CDH4: variants seen among roughly 807,000 people sequenced by gnomAD.
CDH4 encodes the protein cadherin-4.
Under a neutral mutation model 86.0 loss-of-function variants are expected in CDH4, and 33 were observed. The ratio of observed to expected loss-of-function variants is 0.38; its 90% confidence interval spans 0.29 to 0.51. The LOEUF is 0.51. Among genes scored for constraint, CDH4 ranks in the 20% least tolerant of loss-of-function variants. CDH4 has a pLI of 0.86. For synonymous variants in CDH4, 555 were observed against 549.4 expected, an observed-to-expected ratio of 1.01 and a Z score of -0.14; for missense variants, 1,114 against 1,307.4, an observed-to-expected ratio of 0.85 and a Z score of 2.28.
chr20:61,271,385 G>A (rs957607833), intron 2 of CDH4, among the ~76,000 whole-genome samples: 27 of 152,206 alleles, frequency 1.8e-4, no homozygotes, highest in Admixed American at 6.5e-4. Context: ...ATTAAATCCA[G>A]CCCATTGACA....
chr20:61,583,142 G>A lies in CDH4; in HGVS notation c.170-160421G>A, dbSNP rs942740986. On this transcript the variant is annotated intron_variant, in intron 2 of 15. Coordinates refer to ENST00000614565, the MANE Select transcript of CDH4 (RefSeq NM_001794.5). ...ACAGAAGGCTCTGCGGGGGGACAGA[G>A]GGCTCTGCGGAGGGACAGAGGGCTC... Among the ~76,000 whole-genome samples the A allele has an allele frequency of 1.1e-4, 6 of 52,240 alleles. 1 individual carries two copies. Among genetic ancestry groups the A allele is most frequent in the Middle Eastern group, 8.8e-3 (1 of 114 alleles). The allele number at this position is 52,240 out of a possible 152,430, so 34.3% of individuals were successfully genotyped here.
intron 2 of CDH4, among the ~76,000 whole-genome samples, chr20:61,701,538 T>C (rs1039816248): frequency 1.3e-5 from 2 of 152,136 alleles, no homozygotes; most frequent in African/African-American, 4.8e-5. Context: ...CCTCACTGGG[T>C]GGGGACCAGC....
chr20:61,554,511 AGG>A (rs2086159287), intron 2 of CDH4, among the ~76,000 whole-genome samples: 1 of 152,236 alleles, frequency 6.6e-6, no homozygotes, highest in Non-Finnish European at 1.5e-5. Flanking sequence ...GAGAGCCATA[AGG>A]AGCCTTTCCC....
intron 2 of CDH4, among the ~76,000 whole-genome samples, chr20:61,265,553 C>T (rs542135637): frequency 6.6e-6 from 1 of 151,796 alleles, no homozygotes; most frequent in African/African-American, 2.4e-5. Context: ...ACCTCAGTGG[C>T]TCCTTCACTC....
At chr20:61,815,750 C>T (rs568355793) in intron 4 of CDH4, among the ~76,000 whole-genome samples, 5 of 152,288 alleles carry the variant, frequency 3.3e-5, no homozygotes, top group East Asian at 1.9e-4. Context: ...AAAGGAACAC[C>T]GGTTTTCTGA....
chr20:61,470,092 T>G (rs1330123497), intron 2 of CDH4, among the ~76,000 whole-genome samples: 1 of 152,198 alleles, frequency 6.6e-6, no homozygotes, highest in Non-Finnish European at 1.5e-5. Context: ...TCTGTTTCTG[T>G]GAAGAATGTC....
At chr20:61,652,819 C>A (rs8121425) in intron 2 of CDH4, among the ~76,000 whole-genome samples, 55,902 of 144,396 alleles carry the variant, frequency 0.39, 11,314 homozygotes, top group Non-Finnish European at 0.46. Context: ...ATACATTTTC[C>A]TTTCCCATAA....
intron 2 of CDH4, among the ~76,000 whole-genome samples, chr20:61,555,712 T>C (rs1600754998): frequency 6.6e-6 from 1 of 152,244 alleles, no homozygotes; most frequent in Non-Finnish European, 1.5e-5. Context: ...TGGTGAGTTA[T>C]GGGCTCATTA....
intron 2 of CDH4, among the ~76,000 whole-genome samples, chr20:61,352,309 CAA>C (rs1435435294): frequency 3.3e-5 from 5 of 152,198 alleles, no homozygotes; most frequent in South Asian, 4.1e-4. Context: ...CGTGTCGGAA[CAA>C]AGAGTTTTAC....
intron 2 of CDH4, among the ~76,000 whole-genome samples, chr20:61,321,891 A>G (rs751043065): frequency 2.6e-5 from 4 of 152,018 alleles, no homozygotes; most frequent in Non-Finnish European, 5.9e-5. Context: ...AATAAGCATA[A>G]CAATATAACA....
chr20:61,473,146 A>G (rs868732048), intron 2 of CDH4, among the ~76,000 whole-genome samples: 19 of 152,246 alleles, frequency 1.2e-4, no homozygotes, highest in African/African-American at 3.6e-4. Flanking sequence ...AAAATAGCAC[A>G]TTGTAATATT....
intron 2 of CDH4, among the ~76,000 whole-genome samples, chr20:61,309,965 GCT>G (rs2084436767): frequency 6.6e-6 from 1 of 152,212 alleles, no homozygotes; most frequent in African/African-American, 2.4e-5. Flanking sequence ...CCTCTCCATT[GCT>G]CTCTCTGCTC....
intron 2 of CDH4, among the ~76,000 whole-genome samples, chr20:61,327,518 T>A (rs939369086): frequency 5.3e-5 from 8 of 152,180 alleles, no homozygotes; most frequent in African/African-American, 1.9e-4. Flanking sequence ...GTTTGACCAG[T>A]CAGATTGGCA....
chr20:61,637,227 G>C (rs1039026651), intron 2 of CDH4, among the ~76,000 whole-genome samples: 1 of 152,222 alleles, frequency 6.6e-6, no homozygotes, highest in East Asian at 1.9e-4. Context: ...GCACGAGGAA[G>C]CTAGTGAGGG....
chr20:61,383,555 GAT>G (rs1311781433), intron 2 of CDH4, among the ~76,000 whole-genome samples: 2 of 61,696 alleles, frequency 3.2e-5, no homozygotes, highest in African/African-American at 1.5e-4. Flanking sequence ...GAATATATAT[GAT>G]ATATGATATA....
Position 61,623,841 on chromosome 20 carries a change from C to T in CDH4, c.170-119722C>T, listed in dbSNP as rs1431178404. 2.0e-5 allele frequency among the ~76,000 whole-genome samples: 3 copies of T among 150,628 alleles called. No individual in the cohort carries two copies. Among genetic ancestry groups the T allele is most frequent in the South Asian group, 2.1e-4 (1 of 4,784 alleles). On this transcript the variant is annotated intron_variant, in intron 2 of 15. Transcript: ENST00000614565. The surrounding 1 kb of genome is among the most constrained non-coding windows in gnomAD (Gnocchi z 4.4). Reference sequence around the variant, plus strand: ...AGCAGGAAGGACACGGTTCCTAGAGCGAGGAACACCCCAGAATCTGAGCAG... The same window carrying T: ...AGCAGGAAGGACACGGTTCCTAGAGTGAGGAACACCCCAGAATCTGAGCAG...
At chr20:61,476,412 G>A (rs2085536237) in intron 2 of CDH4, among the ~76,000 whole-genome samples, 2 of 152,068 alleles carry the variant, frequency 1.3e-5, no homozygotes, top group South Asian at 4.1e-4. Flanking sequence ...GAACATGTGT[G>A]GTCTGAACAT....
At chr20:61,321,010 C>G (rs1484862551) in intron 2 of CDH4, among the ~76,000 whole-genome samples, 2 of 152,098 alleles carry the variant, frequency 1.3e-5, no homozygotes, top group African/African-American at 4.8e-5. Flanking sequence ...TCCAGCTGCT[C>G]TAGCCTTTTA....
intron 2 of CDH4, among the ~76,000 whole-genome samples, chr20:61,409,537 G>T (rs1463922261): frequency 6.6e-6 from 1 of 152,176 alleles, no homozygotes; most frequent in African/African-American, 2.4e-5. Context: ...GGGCAGTCGG[G>T]ACTCACCGTC....
Sources: gnomAD v4.1 joint callset for allele counts (sites outside exome capture counted in the v4.1 genomes callset) on GRCh38, gnomAD v4.1.1 for gene constraint, Gnocchi (gnomAD v3.1) non-coding constraint, MANE v1.5 for transcripts, NCBI Gene and HGNC (gene_info 2026-07-23, HGNC 2026-07-21) for gene names.